The following NFIB variants were observed in gnomAD, a reference collection of about 807,000 sequenced individuals.
NFIB encodes nuclear factor I B.
Under a neutral mutation model 61.5 loss-of-function variants are expected in NFIB, and 11 were observed. That is an observed-to-expected ratio of 0.18 (90% CI 0.11 to 0.30). The LOEUF is 0.30. Ranked by LOEUF, NFIB falls within the 10% of genes least tolerant of loss-of-function variation. The probability of loss-of-function intolerance (pLI) is 1.00; values close to 1 mark genes in which losing one functional copy is unlikely to be tolerated. For missense variants in NFIB, 471 were observed against 608.9 expected, an observed-to-expected ratio of 0.77 and a Z score of 2.38; for synonymous variants, 260 against 216.5, an observed-to-expected ratio of 1.20 and a Z score of -1.76.
the NFIB span, among the ~76,000 whole-genome samples, chr9:14,469,478 T>C: frequency 6.6e-6 from 1 of 152,192 alleles, no homozygotes; most frequent in Non-Finnish European, 1.5e-5. Flanking sequence ...CCTTTGCCCA[T>C]CCTCTGGTTC....
chr9:14,120,591 G>A lies in NFIB; in HGVS notation c.1094C>T (p.Pro365Leu). The change falls in exon 8 of 11, where the codon CCG (proline) becomes CTG (leucine). Residue 365 changes from proline to leucine, a missense_variant. Coordinates refer to ENST00000380953, the MANE Select transcript of NFIB (RefSeq NM_001190737.2). This position sits in a 1 kb window ranked among gnomAD's most constrained non-coding sequence, Gnocchi z 4.4. ...GATAGCTTGTGTTGGAAATGGCAAC[G>A]GTGAAGGTGGAGGTGGAGTTCGAGT... ...ISTRTPPPPS[P>L]LPFPTQAILP... The A allele has an allele frequency of 6.2e-7, 1 of 1,612,632 alleles. No homozygotes were observed. The highest frequency in any genetic ancestry group is 1.3e-5 in the African/African-American group (1 of 74,944).
chr9:14,174,798 T>C (rs1388767586), intron 3 of NFIB, among the ~76,000 whole-genome samples: 2 of 150,112 alleles, frequency 1.3e-5, no homozygotes, highest in Non-Finnish European at 3.0e-5. Flanking sequence ...GAATGAAATA[T>C]GATTTGAAAA....
At chr9:14,334,482 C>A (rs2060860629) in intron 1 of NFIB, among the ~76,000 whole-genome samples, 1 of 152,172 alleles carries the variant, frequency 6.6e-6, no homozygotes, top group South Asian at 2.1e-4. Flanking sequence ...TGGATATCCT[C>A]TTTGAAATGT....
At chr9:14,167,269 G>A (rs1028511557) in intron 3 of NFIB, among the ~76,000 whole-genome samples, 1 of 152,172 alleles carries the variant, frequency 6.6e-6, no homozygotes, top group Admixed American at 6.5e-5. Context: ...CTGGCTGGGT[G>A]TGGTGGCTCA....
the NFIB span, among the ~76,000 whole-genome samples, chr9:14,466,285 C>A: frequency 6.6e-6 from 1 of 152,098 alleles, no homozygotes; most frequent in African/African-American, 2.4e-5. Flanking sequence ...GAAGGTCTGC[C>A]AAGTGGTAGT....
upstream of NFIB, among the ~76,000 whole-genome samples, chr9:14,314,987 T>TCACACCCAGGC (rs2060474188): frequency 6.6e-6 from 1 of 151,428 alleles, no homozygotes; most frequent in African/African-American, 2.4e-5. Flanking sequence ...GAAAATTCCC[T>TCACACCCAGGC]CACACCCAGG....
At chr9:14,437,616 G>T in the NFIB span, among the ~76,000 whole-genome samples, 1 of 152,196 alleles carries the variant, frequency 6.6e-6, no homozygotes, top group South Asian at 2.1e-4. Context: ...TGATGGAGTT[G>T]TTCCTCTCCC....
intron 1 of NFIB, among the ~76,000 whole-genome samples, chr9:14,333,898 G>A (rs755059087): frequency 1.2e-4 from 18 of 152,132 alleles, no homozygotes; most frequent in Non-Finnish European, 1.8e-4. Flanking sequence ...AAAGACAACC[G>A]CTGTACTGAT....
At chr9:14,513,205 T>C in the NFIB span, among the ~76,000 whole-genome samples, 1 of 152,204 alleles carries the variant, frequency 6.6e-6, no homozygotes, top group African/African-American at 2.4e-5. Context: ...ATTTTTCACC[T>C]CTATTGTTTT....
intron 1 of NFIB, among the ~76,000 whole-genome samples, chr9:14,382,559 T>C (rs2061501378): frequency 6.6e-6 from 1 of 152,098 alleles, no homozygotes; most frequent in South Asian, 2.1e-4. Context: ...TGTTTGGAAC[T>C]ACCATTTTGG....
At chr9:14,219,500 G>A (rs1415535805) in intron 2 of NFIB, among the ~76,000 whole-genome samples, 1 of 149,770 alleles carries the variant, frequency 6.7e-6, no homozygotes, top group Non-Finnish European at 1.5e-5. Flanking sequence ...ATTTTTGTTT[G>A]CAGGCTTCTT....
At chr9:14,328,106 G>T (rs1189242055) in intron 1 of NFIB, among the ~76,000 whole-genome samples, 2 of 152,128 alleles carry the variant, frequency 1.3e-5, no homozygotes, top group Non-Finnish European at 2.9e-5. Flanking sequence ...CACTGCCTCT[G>T]CTTTTTTCTC....
At chr9:14,118,448 C>T (rs891337734) in intron 8 of NFIB, among the ~76,000 whole-genome samples, 1 of 152,056 alleles carries the variant, frequency 6.6e-6, no homozygotes, top group African/African-American at 2.4e-5. Context: ...AACTAGTAGA[C>T]ACTTCTCTCA....
rs116009708 is a variant in NFIB, at chr9:14,310,971, A to G, written c.30+2511T>C. ...AACAAATCATGCAAAAAATGTACCT[A>G]AAGAACTTAAAAGCAACGAAAGAAA... On this transcript the variant is annotated intron_variant, in intron 1 of 10. Transcript: ENST00000380953. Among the ~76,000 whole-genome samples the G allele has an allele frequency of 5.0e-3, 768 of 152,264 alleles. 7 individuals are homozygous for G. Among genetic ancestry groups the G allele is most frequent in the African/African-American group, 0.018 (748 of 41,578 alleles).
At chr9:14,495,446 C>CTTTTTTTT in the NFIB span, among the ~76,000 whole-genome samples, 125 of 117,258 alleles carry the variant, frequency 1.1e-3, 5 homozygotes, top group Middle Eastern at 4.4e-3. Flanking sequence ...GAGAAATGAA[C>CTTTTTTTT]TTTTTTTTTT....
chr9:14,186,460 CAATTA>C (rs2131508734), intron 2 of NFIB, among the ~76,000 whole-genome samples: 1 of 151,830 alleles, frequency 6.6e-6, no homozygotes, highest in East Asian at 1.9e-4. Flanking sequence ...TATATTTTTA[CAATTA>C]AATATATAGC....
At chr9:14,452,069 G>A in the NFIB span, among the ~76,000 whole-genome samples, 1 of 152,010 alleles carries the variant, frequency 6.6e-6, no homozygotes, top group Non-Finnish European at 1.5e-5. Context: ...TAACTACTTT[G>A]ACATACAGAT....
At chr9:14,360,732 G>C (rs2061229170) in intron 1 of NFIB, among the ~76,000 whole-genome samples, 1 of 151,938 alleles carries the variant, frequency 6.6e-6, no homozygotes, top group Non-Finnish European at 1.5e-5. Flanking sequence ...TTTTAGTAGA[G>C]ACGGGGTTTC....
In NFIB at chr9:14,306,977, A is replaced by G. The variant is rs751622789; in HGVS notation, c.562+12T>C. The G allele has an allele frequency of 6.2e-7, 1 of 1,612,282 alleles. No individual in the cohort carries two copies. Among genetic ancestry groups the G allele is most frequent in the Non-Finnish European group, 8.5e-7 (1 of 1,178,548 alleles). On this transcript the variant is annotated intron_variant, in intron 2 of 10. Coordinates refer to ENST00000380953, the MANE Select transcript of NFIB (RefSeq NM_001190737.2). ...GTTTGCCGTGCTAGAAAAAAGAACA[A>G]TCTGCTCCTACCTTGCTCCTGCACG...
Sources: allele counts gnomAD v4.1 joint callset (sites outside exome capture counted in the v4.1 genomes callset), GRCh38; gene constraint gnomAD v4.1.1; non-coding constraint Gnocchi (gnomAD v3.1); transcripts MANE v1.5; gene names NCBI Gene and HGNC (gene_info 2026-07-23, HGNC 2026-07-21).